Variants in HACD3 observed in about 807,000 individuals in gnomAD.
The protein encoded by HACD3 is 3-hydroxyacyl-CoA dehydratase 3, also known as very-long-chain (3R)-3-hydroxyacyl-CoA dehydratase 3.
In HACD3, 30 loss-of-function variants were observed where a neutral mutation model predicts 55.2. That is an observed-to-expected ratio of 0.54 (90% CI 0.41 to 0.74). HACD3 has a LOEUF of 0.74. HACD3 is among the 30% of genes least tolerant of loss of function. The pLI is 0.00. For missense variants in HACD3, 363 were observed against 440.1 expected (o/e 0.82, Z 1.57); for synonymous variants, 141 against 151.7 (o/e 0.93, Z 0.52).
At chr15:65,570,633 A>G (rs1045193706) in intron 8 of HACD3, among the ~76,000 whole-genome samples, 1 of 152,170 alleles carries the variant, frequency 6.6e-6, no homozygotes, top group African/African-American at 2.4e-5. Context: ...AGATTATTGA[A>G]GTTTGAAATG....
At chr15:65,532,623 ACT>A (rs1193187423) in intron 1 of HACD3, among the ~76,000 whole-genome samples, 15 of 149,604 alleles carry the variant, frequency 1.0e-4, no homozygotes, top group African/African-American at 3.4e-4. Flanking sequence ...CAAGAGTGAA[ACT>A]CTGTCTCAAA....
chr15:65,536,811 CAT>C (rs1393623866), intron 1 of HACD3, among the ~76,000 whole-genome samples: 3 of 152,120 alleles, frequency 2.0e-5, no homozygotes, highest in Admixed American at 6.6e-5. Context: ...AAGAGTTGCA[CAT>C]GTCTCACTTT....
At chr15:65,575,251 G>A (rs1453196227) in intron 10 of HACD3, among the ~76,000 whole-genome samples, 5 of 149,826 alleles carry the variant, frequency 3.3e-5, no homozygotes, top group Non-Finnish European at 7.4e-5. Flanking sequence ...GCAGTGGCAC[G>A]ATCTTGGCTC....
chr15:65,557,470 CAAAAAA>C (rs754834285), intron 4 of HACD3, among the ~76,000 whole-genome samples: 4 of 99,994 alleles, frequency 4.0e-5, no homozygotes, highest in African/African-American at 1.5e-4. Flanking sequence ...GCGAGAGTCT[CAAAAAA>C]AAAAAAAAAA....
intron 7 of HACD3, among the ~76,000 whole-genome samples, chr15:65,567,526 C>T (rs189119193): frequency 8.4e-4 from 127 of 152,092 alleles, no homozygotes; most frequent in African/African-American, 3.0e-3. Flanking sequence ...AATACATTTC[C>T]AATCACAATC....
chr15:65,535,771 C>T (rs995058910), intron 1 of HACD3: 12 of 654,698 alleles, frequency 1.8e-5, no homozygotes, highest in Middle Eastern at 4.9e-4. Context: ...TCATAGCTCA[C>T]CGTAGCCTTG....
intron 5 of HACD3, among the ~76,000 whole-genome samples, chr15:65,559,440 CCTT>C (rs765366655): frequency 6.6e-6 from 1 of 151,066 alleles, no homozygotes. Context: ...TGAAATAAGT[CCTT>C]CTTACTTGTT....
intron 1 of HACD3, among the ~76,000 whole-genome samples, chr15:65,537,642 A>T (rs1380191983): frequency 6.6e-6 from 1 of 151,316 alleles, no homozygotes; most frequent in Non-Finnish European, 1.5e-5. Context: ...AAATAAAAAA[A>T]ATTAGCTGGG....
At chr15:65,531,390 C>T (rs2071897399) in intron 1 of HACD3, 1 of 152,204 alleles carries the variant, frequency 6.6e-6, no homozygotes, top group African/African-American at 2.4e-5. Context: ...TCTTAAGTTA[C>T]ATTAAGCATT....
chr15:65,551,901 A>T (rs2072136838), intron 2 of HACD3, 183 bp downstream of exon 2: 1 of 607,468 alleles, frequency 1.6e-6, no homozygotes, highest in East Asian at 3.0e-5. Context: ...GAATTGGTTT[A>T]AAATCCTGTT....
intron 4 of HACD3, 120 bp from the exon 5 acceptor site, chr15:65,558,560 C>A: frequency 1.1e-6 from 1 of 888,594 alleles, no homozygotes; most frequent in Non-Finnish European, 1.8e-6. Context: ...CAATGATGCA[C>A]TGACCCCAAC....
At chr15:65,540,807 A>C (rs1414018466) in intron 1 of HACD3, among the ~76,000 whole-genome samples, 8 of 152,338 alleles carry the variant, frequency 5.3e-5, no homozygotes, top group Non-Finnish European at 1.0e-4. Flanking sequence ...TCTGGCTGCT[A>C]TGTGGATTAT....
chr15:65,571,786 G>A (rs1271298669), intron 9 of HACD3, 132 bp downstream of exon 9: 9 of 715,944 alleles, frequency 1.3e-5, no homozygotes, highest in Non-Finnish European at 1.8e-5. Flanking sequence ...TTCTTTCCAT[G>A]GGCTTCCTTC....
intron 1 of HACD3, among the ~76,000 whole-genome samples, chr15:65,539,116 A>G (rs1450016749): frequency 6.6e-6 from 1 of 152,008 alleles, no homozygotes; most frequent in African/African-American, 2.4e-5. Context: ...ATGCCTGTAA[A>G]TTAAAATGAT....
In HACD3 at chr15:65,571,667, A is replaced by G; in HGVS notation, c.880+13A>G. 6.3e-7 allele frequency: 1 copy of G among 1,591,822 alleles called. No homozygotes were observed. Among genetic ancestry groups the G allele is most frequent in the Non-Finnish European group, 8.6e-7 (1 of 1,160,324 alleles). On this transcript the variant is annotated intron_variant, in intron 9 of 10. Coordinates refer to ENST00000261875, the MANE Select transcript of HACD3 (RefSeq NM_016395.4). ...TGTTTGGCGGAAGGTACTCTCAGGGACTCTTAGCTTTCATAGCTTAGCTCC... is the reference window on the plus strand; with the variant it reads ...TGTTTGGCGGAAGGTACTCTCAGGGGCTCTTAGCTTTCATAGCTTAGCTCC...
At chr15:65,537,950 AAAAAAAAAATATATATATATATATAT>A (rs1222853216) in intron 1 of HACD3, among the ~76,000 whole-genome samples, 1,144 of 52,524 alleles carry the variant, frequency 0.022, 72 homozygotes, top group East Asian at 0.079. Flanking sequence ...AAAAAAAAAA[AAAAAAAAAATATATATATATATATAT>A]ATATATATAT....
At chr15:65,542,529 G>A (rs2072031214) in intron 1 of HACD3, among the ~76,000 whole-genome samples, 1 of 152,128 alleles carries the variant, frequency 6.6e-6, no homozygotes, top group Admixed American at 6.5e-5. Context: ...CTCCCAAAGT[G>A]CTGGGATTAC....
rs534716222 is a variant in HACD3, at chr15:65,577,971, G to C, written c.*1592G>C. On this transcript the variant is annotated 3_prime_UTR_variant, in exon 11 of 11. Coordinates refer to ENST00000261875, the MANE Select transcript of HACD3 (RefSeq NM_016395.4). ...ACACTTGCATAAAAGAATTTAAGGA[G>C]TGATAGCTCTTTCTGTTCTGCCATT... 6.5e-6 allele frequency: 1 copy of C among 152,710 alleles called. No individual in the cohort carries two copies. The highest frequency in any genetic ancestry group is 2.1e-4 in the South Asian group (1 of 4,830). 9.5% of individuals were successfully genotyped at this position (152,710 alleles called of 1,614,324 possible). A position where few individuals can be genotyped will look rare whatever the true frequency, so the allele number is the denominator to read the frequency against.
At chr15:65,540,578 G>T (rs2072010619) in intron 1 of HACD3, among the ~76,000 whole-genome samples, 1 of 152,184 alleles carries the variant, frequency 6.6e-6, no homozygotes, top group Non-Finnish European at 1.5e-5. Flanking sequence ...CAAAGGCTTA[G>T]TGGGGTTCCA....
Sources: allele counts gnomAD v4.1 joint callset (sites outside exome capture counted in the v4.1 genomes callset), GRCh38; gene constraint gnomAD v4.1.1; transcripts MANE v1.5; gene names NCBI Gene and HGNC (gene_info 2026-07-23, HGNC 2026-07-21).